The following PDGFC variants were observed in gnomAD, a reference collection of about 807,000 sequenced individuals.
The protein encoded by PDGFC is platelet derived growth factor C.
A neutral mutation model predicts 35.5 loss-of-function variants in PDGFC; 12 were observed. The observed-to-expected ratio is 0.34, with a 90% CI of 0.22 to 0.55. The LOEUF (loss-of-function observed/expected upper bound fraction) is 0.55. PDGFC is among the 20% of genes least tolerant of loss of function. The pLI, the probability that PDGFC is intolerant of heterozygous loss-of-function variation, is 0.91. For synonymous variants in PDGFC, 159 were observed against 148.8 expected, an observed-to-expected ratio of 1.07 and a Z score of -0.50; for missense variants, 322 against 412.4, an observed-to-expected ratio of 0.78 and a Z score of 1.90.
At position 156,762,736 on chromosome 4, in the gene PDGFC, G is replaced by T; in HGVS notation, c.*354C>A. ...TGCTCACTTGCACAGTTTTTTTCCT[G>T]TACTGACATTACCCTAAGCCGTATC... On this transcript the variant is annotated 3_prime_UTR_variant, in exon 6 of 6. Coordinates refer to ENST00000502773, the MANE Select transcript of PDGFC (RefSeq NM_016205.3). 1 of 166,602 alleles carries T rather than the reference G, an allele frequency of 6.0e-6. No individual in the cohort carries two copies. Among genetic ancestry groups the T allele is most frequent in the African/African-American group, 2.4e-5 (1 of 42,002 alleles). The allele number at this position is 166,602 out of a possible 1,614,324, so 10.3% of individuals were successfully genotyped here. A position where few individuals can be genotyped will look rare whatever the true frequency, so the allele number is the denominator to read the frequency against.
intron 1 of PDGFC, among the ~76,000 whole-genome samples, chr4:156,952,390 C>G (rs915734582): frequency 6.6e-6 from 1 of 151,676 alleles, no homozygotes; most frequent in African/African-American, 2.4e-5. Flanking sequence ...TTTATCACTA[C>G]GTAGAAAATC....
intron 1 of PDGFC, among the ~76,000 whole-genome samples, chr4:156,948,347 T>C (rs1360309875): frequency 6.6e-6 from 1 of 151,742 alleles, no homozygotes; most frequent in Non-Finnish European, 1.5e-5. Flanking sequence ...AAAAACAACA[T>C]AGATAATTGT....
At chr4:156,853,697 C>T (rs1273184231) in intron 1 of PDGFC, among the ~76,000 whole-genome samples, 1 of 152,174 alleles carries the variant, frequency 6.6e-6, no homozygotes, top group Non-Finnish European at 1.5e-5. Flanking sequence ...CACTGTGGCT[C>T]CTGTCTGTAA....
At chr4:156,789,123 C>T (rs1172032030) in intron 3 of PDGFC, among the ~76,000 whole-genome samples, 1 of 152,154 alleles carries the variant, frequency 6.6e-6, no homozygotes, top group Non-Finnish European at 1.5e-5. Context: ...GAATCCACTG[C>T]TACAATCTGA....
chr4:156,779,388 C>T (rs1730918762), intron 3 of PDGFC, among the ~76,000 whole-genome samples: 1 of 152,050 alleles, frequency 6.6e-6, no homozygotes. Context: ...GGGAAGGTGG[C>T]CAATTATATT....
chr4:156,854,803 C>T (rs940225591), intron 1 of PDGFC, among the ~76,000 whole-genome samples: 3 of 151,916 alleles, frequency 2.0e-5, no homozygotes, highest in African/African-American at 7.2e-5. Flanking sequence ...AGACAGTATA[C>T]TCAAATTACC....
intron 1 of PDGFC, among the ~76,000 whole-genome samples, chr4:156,965,839 T>C (rs1052946205): frequency 2.0e-5 from 3 of 152,088 alleles, no homozygotes; most frequent in African/African-American, 7.2e-5. Flanking sequence ...TTAACCCCAA[T>C]ATGAACTAAA....
chr4:156,765,646 T>C (rs1379182430), intron 5 of PDGFC, among the ~76,000 whole-genome samples: 4 of 152,104 alleles, frequency 2.6e-5, no homozygotes, highest in Admixed American at 6.6e-5. Flanking sequence ...ATTAAATATG[T>C]AAAAATATAA....
intron 2 of PDGFC, among the ~76,000 whole-genome samples, chr4:156,811,390 C>A (rs1579024443): frequency 6.6e-6 from 1 of 152,012 alleles, no homozygotes; most frequent in African/African-American, 2.4e-5. Context: ...ATTATTACTG[C>A]CCTTTATTTT....
At chr4:156,942,561 T>C (rs1731834475) in intron 1 of PDGFC, among the ~76,000 whole-genome samples, 1 of 151,680 alleles carries the variant, frequency 6.6e-6, no homozygotes, top group African/African-American at 2.4e-5. Context: ...TTACATTTCT[T>C]AGTAACTTAC....
At chr4:156,870,896 A>G (rs1729967241) in intron 1 of PDGFC, among the ~76,000 whole-genome samples, 1 of 152,176 alleles carries the variant, frequency 6.6e-6, no homozygotes, top group Non-Finnish European at 1.5e-5. Context: ...AAGCGATTGG[A>G]AAGTTTCATT....
intron 3 of PDGFC, among the ~76,000 whole-genome samples, chr4:156,789,207 G>A (rs903679477): frequency 2.0e-5 from 3 of 152,096 alleles, no homozygotes; most frequent in Non-Finnish European, 4.4e-5. Flanking sequence ...AATCAAATAC[G>A]GAGTGCAGAC....
At chr4:156,875,152 C>G (rs1054031191) in intron 1 of PDGFC, among the ~76,000 whole-genome samples, 1 of 152,060 alleles carries the variant, frequency 6.6e-6, no homozygotes, top group Non-Finnish European at 1.5e-5. Flanking sequence ...AAGAAAGAAA[C>G]AGAGATGGCA....
chr4:156,848,562 A>T (rs1729379376), intron 2 of PDGFC, among the ~76,000 whole-genome samples: 1 of 152,016 alleles, frequency 6.6e-6, no homozygotes, highest in Non-Finnish European at 1.5e-5. Flanking sequence ...ATCTGCCTCA[A>T]TATGAACTAA....
chr4:156,886,489 A>C lies in PDGFC; in HGVS notation c.119-36073T>G, dbSNP rs138187365. Among the ~76,000 whole-genome samples, 325 of 152,328 alleles carry C rather than the reference A, an allele frequency of 2.1e-3. 10 individuals are homozygous for C. In the East Asian group the frequency reaches 0.054, roughly 25 times the overall value. On this transcript the variant is annotated intron_variant, in intron 1 of 5. Transcript: ENST00000502773. ...TATTCTGAATTGCTATTTGGCAGAC[A>C]TACTTTTATCACCAACCAAACTATC...
intron 1 of PDGFC, among the ~76,000 whole-genome samples, chr4:156,956,251 T>G (rs1033529565): frequency 2.0e-5 from 3 of 152,040 alleles, no homozygotes; most frequent in Non-Finnish European, 2.9e-5. Flanking sequence ...GTAATTTTTG[T>G]ATTAGAAGAC....
intron 5 of PDGFC, among the ~76,000 whole-genome samples, chr4:156,765,038 T>TG (rs1730483091): frequency 6.6e-6 from 1 of 152,210 alleles, no homozygotes; most frequent in African/African-American, 2.4e-5. Flanking sequence ...AGCATGCATA[T>TG]GCCAAGATGC....
rs536101673 is a variant in PDGFC, at chr4:156,929,206, A to C, written c.118+41580T>G. ...AACCAGCAAAAAGATACAATATACA[A>C]ATCAGTCAACTTTTTGGGAAATGAC... On this transcript the variant is annotated intron_variant, in intron 1 of 5. Transcript: ENST00000502773. 8.2e-4 allele frequency among the ~76,000 whole-genome samples: 125 copies of C among 152,306 alleles called. No individual in the cohort carries two copies. The South Asian group carries it at 0.017, about 21-fold the overall frequency.
chr4:156,831,159 T>C (rs1728922774), intron 2 of PDGFC, among the ~76,000 whole-genome samples: 1 of 152,148 alleles, frequency 6.6e-6, no homozygotes, highest in South Asian at 2.1e-4. Flanking sequence ...TAGAGTAACA[T>C]ACATGTTCAT....
Sources: allele counts gnomAD v4.1 joint callset (sites outside exome capture counted in the v4.1 genomes callset), GRCh38; gene constraint gnomAD v4.1.1; transcripts MANE v1.5; gene names NCBI Gene and HGNC (gene_info 2026-07-23, HGNC 2026-07-21).